The following PCDH17 variants were observed in gnomAD, a reference collection of about 807,000 sequenced individuals.
The protein encoded by PCDH17 is protocadherin 17, also known as protocadherin-17.
PCDH17 carries 21 observed loss-of-function variants against 67.7 expected under a neutral mutation model. That is an observed-to-expected ratio of 0.31 (90% CI 0.22 to 0.45). PCDH17 has a LOEUF of 0.45. Ranked by LOEUF, PCDH17 falls within the 20% of genes least tolerant of loss-of-function variation. PCDH17 has a pLI of 1.00. For synonymous variants in PCDH17, 701 were observed against 656.7 expected (o/e 1.07, Z -1.03); for missense variants, 1,471 against 1,564.8 (o/e 0.94, Z 1.01).
At chr13:57,695,033 AAGT>A (rs1010065688) in intron 3 of PCDH17, among the ~76,000 whole-genome samples, 11 of 151,216 alleles carry the variant, frequency 7.3e-5, no homozygotes, top group Non-Finnish European at 1.2e-4. Context: ...GATACTTGCT[AAGT>A]AGGACACATT....
chr13:57,662,653 GTTT>G (rs1300144892), intron 1 of PCDH17, among the ~76,000 whole-genome samples: 1 of 152,076 alleles, frequency 6.6e-6, no homozygotes, highest in Non-Finnish European at 1.5e-5. Flanking sequence ...TTTCAGACAA[GTTT>G]TTTAAGAATT....
At chr13:57,672,272 C>G (rs1322752070) in intron 3 of PCDH17, among the ~76,000 whole-genome samples, 1 of 151,790 alleles carries the variant, frequency 6.6e-6, no homozygotes, top group East Asian at 2.0e-4. Context: ...TTGTTTGTTT[C>G]TTTAAGTTAG....
chr13:57,633,503 T>A lies in PCDH17; in HGVS notation c.957T>A (p.Ile319=), dbSNP rs749983716. Residue 319 remains isoleucine (I), a synonymous_variant, in exon 1 of 4, where the codon ATT becomes ATA. Transcript: ENST00000377918. This position sits in a 1 kb window ranked among gnomAD's most constrained non-coding sequence, Gnocchi z 6.2. ...LDYEENGMLE[I]DVQARDLGPN... ...ATGAGGAAAACGGGATGCTGGAGAT[T>A]GACGTGCAGGCCCGAGACCTGGGGC... 26 of 1,613,850 alleles carry A rather than the reference T, an allele frequency of 1.6e-5. No homozygotes were observed. In the South Asian group the frequency reaches 2.4e-4, roughly 15 times the overall value.
In PCDH17 at chr13:57,634,277, T is replaced by A. The variant is rs1282881186; in HGVS notation, c.1731T>A (p.Asn577Lys). ...ATVRVTVLDV[N>K]DNAPVIVLPT... The stretch of plus-strand genomic sequence containing the variant: ...TGAGGGTGACAGTGCTAGACGTGAA[T>A]GACAACGCGCCAGTGATCGTGCTCC... The change falls in exon 1 of 4, where the codon AAT becomes AAA. Residue 577 changes from asparagine (N) to lysine (K), a missense_variant. Transcript: ENST00000377918. The surrounding 1 kb of genome is among the most constrained non-coding windows in gnomAD (Gnocchi z 7.8). The A allele has an allele frequency of 6.2e-7, 1 of 1,612,942 alleles. No homozygotes were observed. Among genetic ancestry groups the A allele is most frequent in the Non-Finnish European group, 8.5e-7 (1 of 1,180,016 alleles).
chr13:57,647,219 A>G (rs1280279119), intron 1 of PCDH17, among the ~76,000 whole-genome samples: 1 of 151,858 alleles, frequency 6.6e-6, no homozygotes, highest in Non-Finnish European at 1.5e-5. Context: ...ATCTAAAAAC[A>G]TATGTCATTT....
chr13:57,685,169 A>G (rs539362876), intron 3 of PCDH17, among the ~76,000 whole-genome samples: 78 of 152,090 alleles, frequency 5.1e-4, no homozygotes, highest in South Asian at 1.2e-3. Flanking sequence ...TATGTTATCT[A>G]TAATTTTCTT....
At chr13:57,697,991 A>G (rs1376395536) in intron 3 of PCDH17, among the ~76,000 whole-genome samples, 2 of 151,654 alleles carry the variant, frequency 1.3e-5, no homozygotes, top group Non-Finnish European at 3.0e-5. Context: ...AGTTGTTTCC[A>G]CAGATAACCA....
At chr13:57,641,587 A>AATATATATATAT (rs1166347188) in intron 1 of PCDH17, among the ~76,000 whole-genome samples, 15 of 20,574 alleles carry the variant, frequency 7.3e-4, no homozygotes, top group Non-Finnish European at 1.1e-3. Context: ...AAAAAAAAAA[A>AATATATATATAT]ATATATATAT....
At chr13:57,690,746 T>C (rs959414714) in intron 3 of PCDH17, among the ~76,000 whole-genome samples, 1 of 151,648 alleles carries the variant, frequency 6.6e-6, no homozygotes, top group African/African-American at 2.4e-5. Flanking sequence ...GCATAATCCA[T>C]AAATATAAGT....
chr13:57,706,525 GA>G (rs1455389543), intron 3 of PCDH17, among the ~76,000 whole-genome samples: 3 of 152,104 alleles, frequency 2.0e-5, no homozygotes, highest in African/African-American at 7.2e-5. Flanking sequence ...TAAAACAAGA[GA>G]AATTTATTTT....
intron 3 of PCDH17, among the ~76,000 whole-genome samples, chr13:57,673,276 C>T (rs906791037): frequency 2.6e-5 from 4 of 151,940 alleles, no homozygotes; most frequent in Non-Finnish European, 4.4e-5. Flanking sequence ...TAATCCTAAA[C>T]GTGTCCTGTT....
chr13:57,685,260 A>T (rs1477200401), intron 3 of PCDH17, among the ~76,000 whole-genome samples: 1 of 151,982 alleles, frequency 6.6e-6, no homozygotes, highest in African/African-American at 2.4e-5. Context: ...TTATGCTCTT[A>T]ATATGTAATA....
At chr13:57,666,395 A>G in intron 1 of PCDH17, 73 bp from the exon 2 acceptor site, 4 of 1,123,092 alleles carry the variant, frequency 3.6e-6, no homozygotes, top group Non-Finnish European at 4.0e-6. Flanking sequence ...TTTTTCCACT[A>G]GGAAATCTTG....
At chr13:57,642,888 T>C (rs1422634952) in intron 1 of PCDH17, among the ~76,000 whole-genome samples, 2 of 151,652 alleles carry the variant, frequency 1.3e-5, no homozygotes, top group Non-Finnish European at 3.0e-5. Flanking sequence ...GCATGTCATA[T>C]AAATTCTTAA....
chr13:57,639,752 T>C (rs991469855), intron 1 of PCDH17, among the ~76,000 whole-genome samples: 1 of 151,910 alleles, frequency 6.6e-6, no homozygotes, highest in African/African-American at 2.4e-5. Flanking sequence ...GCCAAAAAAT[T>C]TGGAATTTTA....
intron 1 of PCDH17, among the ~76,000 whole-genome samples, chr13:57,655,515 G>C (rs895585237): frequency 6.6e-6 from 1 of 151,578 alleles, no homozygotes; most frequent in Admixed American, 6.6e-5. Flanking sequence ...CATAATGATG[G>C]GAAAAAAGTA....
intron 1 of PCDH17, among the ~76,000 whole-genome samples, chr13:57,651,045 T>C (rs1318764430): frequency 6.6e-6 from 1 of 152,254 alleles, no homozygotes; most frequent in East Asian, 1.9e-4. Context: ...CATTCTAAAA[T>C]ATGAAAGAGG....
At chr13:57,664,057 C>A (rs892854503) in intron 1 of PCDH17, among the ~76,000 whole-genome samples, 1 of 152,012 alleles carries the variant, frequency 6.6e-6, no homozygotes, top group Non-Finnish European at 1.5e-5. Flanking sequence ...GGCGCCACCA[C>A]ACCTGGCTAA....
intron 3 of PCDH17, among the ~76,000 whole-genome samples, chr13:57,686,067 T>C (rs1040078554): frequency 6.6e-6 from 1 of 151,222 alleles, no homozygotes; most frequent in African/African-American, 2.4e-5. Flanking sequence ...CTAGCCTGGG[T>C]GACACAGGGA....
Sources: gnomAD v4.1 joint callset for allele counts (sites outside exome capture counted in the v4.1 genomes callset) on GRCh38, gnomAD v4.1.1 for gene constraint, Gnocchi (gnomAD v3.1) non-coding constraint, MANE v1.5 for transcripts, NCBI Gene and HGNC (gene_info 2026-07-23, HGNC 2026-07-21) for gene names.